The following STARD9 variants were observed in gnomAD, a reference collection of about 807,000 sequenced individuals.
STARD9 encodes the protein StAR related lipid transfer domain containing 9.
A neutral mutation model predicts 399.8 loss-of-function variants in STARD9; 346 were observed. That is an observed-to-expected ratio of 0.87 (90% CI 0.79 to 0.95). The LOEUF (loss-of-function observed/expected upper bound fraction) is 0.95. Among genes scored for constraint, STARD9 ranks in the 40% least tolerant of loss-of-function variants. The pLI, the probability that STARD9 is intolerant of heterozygous loss-of-function variation, is 0.00. For synonymous variants in STARD9, 2,203 were observed against 2,143.5 expected (o/e 1.03, Z -0.77); for missense variants, 5,832 against 5,667.5 (o/e 1.03, Z -0.93).
At chr15:42,612,088 G>A (rs528142845) in intron 3 of STARD9, among the ~76,000 whole-genome samples, 1 of 152,132 alleles carries the variant, frequency 6.6e-6, no homozygotes, top group Non-Finnish European at 1.5e-5. Context: ...CCTGTCTCAG[G>A]GCCTTAGCCT....
chr15:42,707,001 A>G (rs1053235529), intron 26 of STARD9, among the ~76,000 whole-genome samples: 3 of 152,102 alleles, frequency 2.0e-5, no homozygotes, highest in Non-Finnish European at 2.9e-5. Flanking sequence ...GAGTCCAGTT[A>G]TATTTTAGAA....
intron 3 of STARD9, among the ~76,000 whole-genome samples, chr15:42,600,090 C>G (rs2058591948): frequency 6.6e-6 from 1 of 152,156 alleles, no homozygotes; most frequent in South Asian, 2.1e-4. Context: ...AGGATATAGT[C>G]ACAGTGCCCA....
chr15:42,620,491 A>AT (rs201216895), intron 3 of STARD9, among the ~76,000 whole-genome samples: 1 of 151,824 alleles, frequency 6.6e-6, no homozygotes, highest in Non-Finnish European at 1.5e-5. Context: ...AAAAAAAAAA[A>AT]TTTTCAGGAA....
At chr15:42,580,188 G>A (rs1223463347) in intron 1 of STARD9, among the ~76,000 whole-genome samples, 1 of 152,254 alleles carries the variant, frequency 6.6e-6, no homozygotes, top group Non-Finnish European at 1.5e-5. Flanking sequence ...AAGAAGGGAA[G>A]AGGACCTCAA....
intron 10 of STARD9, 39 bp downstream of exon 10, chr15:42,661,264 T>A (rs1413620104): frequency 2.2e-6 from 3 of 1,370,466 alleles, no homozygotes; most frequent in Middle Eastern, 1.8e-4. Flanking sequence ...TTACTCTTGT[T>A]CTTGCCTGTT....
chr15:42,581,338 G>C (rs755968691), intron 1 of STARD9: 1 of 1,339,866 alleles, frequency 7.5e-7, no homozygotes, highest in East Asian at 2.3e-5. Flanking sequence ...TAAATGATTT[G>C]AGTTTCTCCT....
At chr15:42,640,926 C>G (rs1037646098) in intron 7 of STARD9, among the ~76,000 whole-genome samples, 25 of 150,698 alleles carry the variant, frequency 1.7e-4, no homozygotes, top group African/African-American at 5.6e-4. Flanking sequence ...ACAATGAAAT[C>G]TGGAGAAAGT....
intron 7 of STARD9, among the ~76,000 whole-genome samples, chr15:42,647,961 T>A (rs1253117120): frequency 6.6e-6 from 1 of 152,256 alleles, no homozygotes; most frequent in Admixed American, 6.5e-5. Flanking sequence ...TATTTACTGG[T>A]TGTTCTGCTT....
intron 7 of STARD9, among the ~76,000 whole-genome samples, chr15:42,650,755 T>C (rs759733197): frequency 2.0e-5 from 3 of 152,182 alleles, no homozygotes; most frequent in Non-Finnish European, 2.9e-5. Context: ...TAGTTGTTGT[T>C]AGCATATGGT....
At position 42,694,527 on chromosome 15, in the gene STARD9, G is replaced by A; in HGVS notation, c.12765-1G>A. Reference sequence around the variant, plus strand: ...CTTCAGCGAATCGTGTTTTGCCTCAGGCAAAAAAAGGCCATTGAGACCCTC... The same window carrying A: ...CTTCAGCGAATCGTGTTTTGCCTCAAGCAAAAAAAGGCCATTGAGACCCTC... On this transcript the variant is annotated splice_acceptor_variant, in intron 23 of 32. Coordinates refer to ENST00000290607, the MANE Select transcript of STARD9 (RefSeq NM_020759.3). LOFTEE classifies it high-confidence loss of function. 1 of 1,537,050 alleles carries A rather than the reference G, an allele frequency of 6.5e-7. No homozygotes were observed. The highest frequency in any genetic ancestry group is 1.4e-5 in the African/African-American group (1 of 73,128).
Position 42,585,536 on chromosome 15 carries a change from G to C in STARD9, c.133G>C (p.Asp45His). 1 of 1,536,988 alleles carries C rather than the reference G, an allele frequency of 6.5e-7. No individual in the cohort carries two copies. Among genetic ancestry groups the C allele is most frequent in the Non-Finnish European group, 8.7e-7 (1 of 1,146,724 alleles). Residue 45 changes from aspartate to histidine, a missense_variant, in exon 3 of 33, where the codon GAT (aspartate) becomes CAT (histidine). By Grantham distance (81) the Asp-to-His change is moderately conservative. Coordinates refer to ENST00000290607, the MANE Select transcript of STARD9 (RefSeq NM_020759.3). Reference protein sequence around the residue: ...IRNLKVDNRPDGFGDSREKVM... With the variant: ...IRNLKVDNRPHGFGDSREKVM... ...TTGATTTTAGGTGGACAATCGACCA[G>C]ATGGCTTTGGGGACTCCCGGGAGAA...
At chr15:42,590,495 G>T (rs2058372725) in intron 3 of STARD9, among the ~76,000 whole-genome samples, 1 of 152,172 alleles carries the variant, frequency 6.6e-6, no homozygotes, top group African/African-American at 2.4e-5. Flanking sequence ...TCTGACTTTA[G>T]GGGGATTTAG....
At chr15:42,683,956 C>A (rs2060489480) in intron 22 of STARD9, among the ~76,000 whole-genome samples, 160 bp from the exon 23 acceptor site, 2 of 152,192 alleles carry the variant, frequency 1.3e-5, no homozygotes, top group Non-Finnish European at 2.9e-5. Flanking sequence ...TCTTGGAGAA[C>A]TAGGACTAGA....
rs1461773328 is a variant in STARD9, at chr15:42,693,184, T to G, written c.11606T>G (p.Leu3869Arg). The G allele has an allele frequency of 1.3e-6, 2 of 1,536,976 alleles. No homozygotes were observed. The highest frequency in any genetic ancestry group is 3.9e-5 in the Admixed American group (2 of 50,966). ...PSPSSPHSPG[L>R]FPSTSEYPGD... Reference sequence around the variant, plus strand: ...CCCAGCTCCCCTCATTCCCCAGGGCTCTTTCCCAGTACTTCCGAGTATCCT... The same window carrying G: ...CCCAGCTCCCCTCATTCCCCAGGGCGCTTTCCCAGTACTTCCGAGTATCCT... Residue 3869 changes from leucine to arginine, a missense_variant, in exon 23 of 33, where the codon CTC becomes CGC. Physicochemically the swap from Leu to Arg is moderately radical, Grantham distance 102 (BLOSUM62 -2). Transcript: ENST00000290607.
chr15:42,634,085 G>A (rs1013279760), intron 3 of STARD9, among the ~76,000 whole-genome samples: 7 of 152,134 alleles, frequency 4.6e-5, no homozygotes, highest in South Asian at 4.2e-4. Context: ...GTATTTTGAT[G>A]CTGGGCAACA....
At chr15:42,591,479 G>A (rs1352062293) in intron 3 of STARD9, among the ~76,000 whole-genome samples, 1 of 147,698 alleles carries the variant, frequency 6.8e-6, no homozygotes, top group Non-Finnish European at 1.5e-5. Context: ...CAGAGCAAGA[G>A]TCCATCTTAA....
At chr15:42,665,873 T>G (rs1408201428) in intron 15 of STARD9, 25 bp downstream of exon 15, 2 of 1,532,676 alleles carry the variant, frequency 1.3e-6, no homozygotes, top group Non-Finnish European at 1.7e-6. Context: ...TGGACTCAGT[T>G]GTTCTTTACA....
At chr15:42,630,982 CT>C (rs1320873788) in intron 3 of STARD9, among the ~76,000 whole-genome samples, 245 of 138,420 alleles carry the variant, frequency 1.8e-3, no homozygotes, top group Middle Eastern at 3.7e-3. Flanking sequence ...TTTTCTAGCT[CT>C]TTTTTTTTTT....
At chr15:42,649,445 T>C (rs988169696) in intron 7 of STARD9, among the ~76,000 whole-genome samples, 1 of 152,248 alleles carries the variant, frequency 6.6e-6, no homozygotes, top group Non-Finnish European at 1.5e-5. Context: ...AAACTTTATA[T>C]TGAGTTTTTA....
Sources: allele counts gnomAD v4.1 joint callset (sites outside exome capture counted in the v4.1 genomes callset), GRCh38; gene constraint gnomAD v4.1.1; transcripts MANE v1.5; gene names NCBI Gene and HGNC (gene_info 2026-07-23, HGNC 2026-07-21).